The following GNA11 variants were observed in gnomAD, a reference collection of about 807,000 sequenced individuals.
GNA11 encodes guanine nucleotide-binding protein subunit alpha-11.
A neutral mutation model predicts 38.2 loss-of-function variants in GNA11; 8 were observed. The observed-to-expected ratio is 0.21, with a 90% CI of 0.12 to 0.38. GNA11 has a LOEUF of 0.38. Among genes scored for constraint, GNA11 ranks in the 10% least tolerant of loss-of-function variants. The pLI is 1.00. For missense variants in GNA11, 268 were observed against 516.3 expected (o/e 0.52, Z 4.66); for synonymous variants, 211 against 221.4 (o/e 0.95, Z 0.42).
chr19:3,094,875 G>C lies in GNA11; in HGVS notation c.136+88G>C. 1 of 1,011,842 alleles carries C rather than the reference G, an allele frequency of 9.9e-7. No individual in the cohort carries two copies. The highest frequency in any genetic ancestry group is 2.1e-5 in the South Asian group (1 of 47,754). 62.7% of individuals were successfully genotyped at this position (1,011,842 alleles called of 1,614,324 possible). A position where few individuals can be genotyped will look rare whatever the true frequency, so the allele number is the denominator to read the frequency against. Reference sequence around the variant, plus strand: ...TCCGGGTCGGGCCGGGACCCTCCGGGGTCAGCCCTGCCTGTGCCGTCCGGG... The same window carrying C: ...TCCGGGTCGGGCCGGGACCCTCCGGCGTCAGCCCTGCCTGTGCCGTCCGGG... On this transcript the variant is annotated intron_variant, in intron 1 of 6. Coordinates refer to ENST00000078429, the MANE Select transcript of GNA11 (RefSeq NM_002067.5). This position sits in a 1 kb window ranked among gnomAD's most constrained non-coding sequence, Gnocchi z 6.0.
At chr19:3,097,619 G>A (rs930626669) in intron 1 of GNA11, among the ~76,000 whole-genome samples, 1 of 152,248 alleles carries the variant, frequency 6.6e-6, no homozygotes, top group Non-Finnish European at 1.5e-5. Flanking sequence ...CACACGGCCT[G>A]TGAGGTCGGT....
Position 3,110,992 on chromosome 19 carries a change from C to A in GNA11, c.321+659C>A, listed in dbSNP as rs1474139068. On this transcript the variant is annotated intron_variant, in intron 2 of 6. Coordinates refer to ENST00000078429, the MANE Select transcript of GNA11 (RefSeq NM_002067.5). This position sits in a 1 kb window ranked among gnomAD's most constrained non-coding sequence, Gnocchi z 5.4. ...TATTTTTTGTAGAGATGGAATTTCACCATGTTGCCCAGGCTGGTCTTGAAC... is the reference window on the plus strand; with the variant it reads ...TATTTTTTGTAGAGATGGAATTTCAACATGTTGCCCAGGCTGGTCTTGAAC... 6.6e-6 allele frequency among the ~76,000 whole-genome samples: 1 copy of A among 152,196 alleles called. No homozygotes were observed. The highest frequency in any genetic ancestry group is 1.9e-4 in the East Asian group (1 of 5,180).
Position 3,110,015 on chromosome 19 carries a change from G to A in GNA11, c.137-134G>A. The A allele has an allele frequency of 3.1e-6, 2 of 653,242 alleles. No individual in the cohort carries two copies. Among genetic ancestry groups the A allele is most frequent in the South Asian group, 1.9e-5 (1 of 52,352 alleles). The allele number at this position is 653,242 out of a possible 1,614,324, so 40.5% of individuals were successfully genotyped here. ...AGTCAGGAGGCCGTGGCGTCTGGTGGAGAGACGGTCAGCCTCACGTGCCTT... is the reference window on the plus strand; with the variant it reads ...AGTCAGGAGGCCGTGGCGTCTGGTGAAGAGACGGTCAGCCTCACGTGCCTT... On this transcript the variant is annotated intron_variant, in intron 1 of 6. Coordinates refer to ENST00000078429, the MANE Select transcript of GNA11 (RefSeq NM_002067.5). This position sits in a 1 kb window ranked among gnomAD's most constrained non-coding sequence, Gnocchi z 5.4.
In GNA11 at chr19:3,094,671, T is replaced by C. The variant is rs1401199158; in HGVS notation, c.20T>C (p.Met7Thr). 4.5e-6 allele frequency: 7 copies of C among 1,552,514 alleles called. No homozygotes were observed. Among genetic ancestry groups the C allele is most frequent in the Admixed American group, 1.9e-5 (1 of 53,982 alleles). MTLESM[M>T]ACCLSDEVKE... ...GGGACGATGACTCTGGAGTCCATGA[T>C]GGCGTGTTGCCTGAGCGATGAGGTG... is the stretch of plus-strand genomic sequence containing the variant. Residue 7 changes from methionine to threonine, a missense_variant, in exon 1 of 7, where the codon ATG (methionine) becomes ACG (threonine). Around this residue, in one of 3 missense-constraint regions of GNA11, gnomAD observed 151 missense variants for 254.0 expected, o/e 0.59. Transcript: ENST00000078429. The surrounding 1 kb of genome is among the most constrained non-coding windows in gnomAD (Gnocchi z 6.0).
intron 1 of GNA11, among the ~76,000 whole-genome samples, chr19:3,097,951 C>T (rs188325469): frequency 1.4e-5 from 2 of 148,100 alleles, no homozygotes; most frequent in African/African-American, 4.9e-5. Context: ...GCCCATTGTC[C>T]CTTGGGGGGC....
intron 1 of GNA11, among the ~76,000 whole-genome samples, chr19:3,095,665 T>C (rs1913346264): frequency 6.6e-6 from 1 of 152,112 alleles, no homozygotes; most frequent in Non-Finnish European, 1.5e-5. Flanking sequence ...GTCTTTCCTC[T>C]CCTCAGGGTT....
In GNA11 at chr19:3,110,288, G is replaced by T; in HGVS notation, c.276G>T (p.Arg92=). Residue 92 remains arginine (R), a synonymous_variant, in exon 2 of 7, where the codon CGG becomes CGT. Transcript: ENST00000078429. This position sits in a 1 kb window ranked among gnomAD's most constrained non-coding sequence, Gnocchi z 5.4. ...NIFTAMQAMI[R]AMETLKILYK... ...TCACCGCCATGCAGGCCATGATCCGGGCCATGGAGACGCTCAAGATCCTCT... is the reference window on the plus strand; with the variant it reads ...TCACCGCCATGCAGGCCATGATCCGTGCCATGGAGACGCTCAAGATCCTCT... 6.2e-7 allele frequency: 1 copy of T among 1,614,024 alleles called. No homozygotes were observed. Among genetic ancestry groups the T allele is most frequent in the Non-Finnish European group, 8.5e-7 (1 of 1,179,942 alleles).
At chr19:3,104,377 GTGTACCTGAGGA>G in intron 1 of GNA11, among the ~76,000 whole-genome samples, 1 of 152,226 alleles carries the variant, frequency 6.6e-6, no homozygotes, top group Non-Finnish European at 1.5e-5. Flanking sequence ...GGCGTGCTGA[GTGTACCTGAGGA>G]TGTACCTCCT....
chr19:3,118,825 T>G, intron 4 of GNA11, 99 bp from the exon 5 acceptor site: 2 of 1,089,906 alleles, frequency 1.8e-6, no homozygotes, highest in Non-Finnish European at 2.8e-6. Flanking sequence ...CCGATGTCAG[T>G]CTGGTGTGGC....
chr19:3,106,287 C>A (rs1913637097), intron 1 of GNA11, among the ~76,000 whole-genome samples: 2 of 152,160 alleles, frequency 1.3e-5, no homozygotes, highest in African/African-American at 4.8e-5. Flanking sequence ...TGTGTGTGGA[C>A]CCCTGCGTCC....
chr19:3,114,899 C>T (rs1330285743), intron 3 of GNA11, 45 bp from the exon 4 acceptor site: 10 of 1,565,072 alleles, frequency 6.4e-6, no homozygotes, highest in Middle Eastern at 1.7e-4. Context: ...TGTCCTGCCC[C>T]CCCACCCCCG....
chr19:3,114,948 C>T lies in GNA11; in HGVS notation c.481C>T (p.Leu161=), dbSNP rs2145320669. 6.2e-7 allele frequency: 1 copy of T among 1,610,468 alleles called. No homozygotes were observed. Among genetic ancestry groups the T allele is most frequent in the Non-Finnish European group, 8.5e-7 (1 of 1,178,188 alleles). The change falls in exon 4 of 7, where the codon CTG becomes TTG. Residue 161 remains leucine (L), a synonymous_variant. Coordinates refer to ENST00000078429, the MANE Select transcript of GNA11 (RefSeq NM_002067.5). ...YQLSDSAKYY[L]TDVDRIATLG... ...GCACCCACCGCTGTGTTGCAGCTACCTGACCGACGTTGACCGCATCGCCAC... is the reference window on the plus strand; with the variant it reads ...GCACCCACCGCTGTGTTGCAGCTACTTGACCGACGTTGACCGCATCGCCAC...
At chr19:3,113,666 C>T (rs1186937797) in intron 3 of GNA11, among the ~76,000 whole-genome samples, 182 bp downstream of exon 3, 3 of 152,184 alleles carry the variant, frequency 2.0e-5, no homozygotes, top group Admixed American at 6.5e-5. Context: ...GGAGGGGCCA[C>T]GCCTTGGCAG....
intron 1 of GNA11, among the ~76,000 whole-genome samples, chr19:3,107,269 G>A (rs182032546): frequency 2.3e-4 from 35 of 152,216 alleles, no homozygotes; most frequent in African/African-American, 7.9e-4. Flanking sequence ...CAGTAGTACC[G>A]AGCCAGTTCT....
chr19:3,118,936 G>T lies in GNA11; in HGVS notation c.618G>T (p.Val206=). The T allele has an allele frequency of 1.2e-6, 2 of 1,613,612 alleles. No homozygotes were observed. Among genetic ancestry groups the T allele is most frequent in the South Asian group, 2.2e-5 (2 of 91,080 alleles). ...TGTGTCCTTTCAGGATGGTGGATGT[G>T]GGGGGCCAGCGGTCGGAGCGGAGGA... is the stretch of plus-strand genomic sequence containing the variant. ...LENIIFRMVD[V]GGQRSERRKW... Residue 206 remains valine, a synonymous_variant, in exon 5 of 7, where the codon GTG becomes GTT. Transcript: ENST00000078429.
rs879040148 is a variant in GNA11, at chr19:3,113,327, C to T, written c.322-3C>T. On this transcript the variant is annotated splice_region_variant and splice_polypyrimidine_tract_variant and intron_variant, in intron 2 of 6. Transcript: ENST00000078429. ...TCGACGTCTCCCCTGCCCGCCCTCG[C>T]AGGCCAATGCGCTCCTGATCCGGGA... 1 of 1,608,430 alleles carries T rather than the reference C, an allele frequency of 6.2e-7. No homozygotes were observed. Among genetic ancestry groups the T allele is most frequent in the Middle Eastern group, 1.7e-4 (1 of 6,038 alleles).
intron 1 of GNA11, among the ~76,000 whole-genome samples, chr19:3,101,211 C>T (rs1913495551): frequency 6.6e-6 from 1 of 152,196 alleles, no homozygotes; most frequent in Non-Finnish European, 1.5e-5. Flanking sequence ...GTGTCTGTTG[C>T]TATTGTTAAC....
chr19:3,115,889 C>G, intron 4 of GNA11, among the ~76,000 whole-genome samples: 2 of 91,112 alleles, frequency 2.2e-5, no homozygotes, highest in Admixed American at 1.3e-4. Flanking sequence ...GAGGAGGGGT[C>G]ATAGGGGCCG....
Position 3,122,170 on chromosome 19 carries a change from C to T in GNA11, c.*991C>T, listed in dbSNP as rs954392707. On this transcript the variant is annotated 3_prime_UTR_variant, in exon 7 of 7. Coordinates refer to ENST00000078429, the MANE Select transcript of GNA11 (RefSeq NM_002067.5). The surrounding 1 kb of genome is among the most constrained non-coding windows in gnomAD (Gnocchi z 7.7). ...GGATGGGGGCGTTTCTGTTTTGTTC[C>T]GCTTTGTGATGTCACCAATTTGGAA... 3.0e-5 allele frequency: 7 copies of T among 232,986 alleles called. No homozygotes were observed. The highest frequency in any genetic ancestry group is 5.6e-5 in the Admixed American group (1 of 17,766). 14.4% of individuals were successfully genotyped at this position (232,986 alleles called of 1,614,324 possible).
Sources: gnomAD v4.1 joint callset for allele counts (sites outside exome capture counted in the v4.1 genomes callset) on GRCh38, gnomAD v4.1.1 for gene constraint, gnomAD v4.1.1 regional missense constraint, Gnocchi (gnomAD v3.1) non-coding constraint, MANE v1.5 for transcripts, NCBI Gene and HGNC (gene_info 2026-07-23, HGNC 2026-07-21) for gene names.